The following FBLN2 variants were observed in gnomAD, a reference collection of about 807,000 sequenced individuals.
FBLN2 encodes fibulin-2.
Under a neutral mutation model 123.7 loss-of-function variants are expected in FBLN2, and 81 were observed. The observed-to-expected ratio is 0.65, with a 90% CI of 0.55 to 0.79. The LOEUF is 0.79. FBLN2 is among the 30% of genes least tolerant of loss of function. FBLN2 has a pLI of 0.00. For synonymous variants in FBLN2, 699 were observed against 701.4 expected (o/e 1.00, Z 0.05); for missense variants, 1,603 against 1,681.3 (o/e 0.95, Z 0.81).
chr3:13,595,418 G>A (rs1704809426), intron 2 of FBLN2, among the ~76,000 whole-genome samples: 1 of 152,138 alleles, frequency 6.6e-6, no homozygotes, highest in Admixed American at 6.5e-5. Flanking sequence ...GTGATCCCGG[G>A]GAGGAAGGCA....
chr3:13,592,754 T>C (rs1352948824), intron 2 of FBLN2, among the ~76,000 whole-genome samples: 3 of 152,260 alleles, frequency 2.0e-5, no homozygotes, highest in African/African-American at 7.2e-5. Flanking sequence ...TTGCAAATTG[T>C]ATTGATTTTA....
In FBLN2 at chr3:13,571,614, A is replaced by G; in HGVS notation, c.1259A>G (p.Asp420Gly). 6.2e-7 allele frequency: 1 copy of G among 1,611,676 alleles called. No individual in the cohort carries two copies. The highest frequency in any genetic ancestry group is 8.5e-7 in the Non-Finnish European group (1 of 1,178,882). ...QVLPHSHVEE[D>G]TDPNSVHSIP... is the part of the protein sequence containing the mutation. ...CTGCCCCATTCCCACGTGGAGGAGG[A>G]CACAGACCCCAACTCTGTCCATTCT... Residue 420 changes from aspartate (D) to glycine (G), a missense_variant, in exon 2 of 18, where the codon GAC (aspartate) becomes GGC (glycine). Physicochemically the swap from Asp to Gly is moderately conservative, Grantham distance 94 (BLOSUM62 -1). Coordinates refer to ENST00000404922, the MANE Select transcript of FBLN2 (RefSeq NM_001004019.2).
chr3:13,602,446 C>G (rs1029374998), intron 2 of FBLN2, among the ~76,000 whole-genome samples: 1 of 152,132 alleles, frequency 6.6e-6, no homozygotes, highest in African/African-American at 2.4e-5. Context: ...AGAATTAACA[C>G]GACAAATTCT....
intron 1 of FBLN2, among the ~76,000 whole-genome samples, chr3:13,553,624 G>A (rs1246078288): frequency 6.6e-6 from 1 of 152,244 alleles, no homozygotes; most frequent in African/African-American, 2.4e-5. Flanking sequence ...TTGCAGAAAT[G>A]CCTCTCTCTC....
chr3:13,612,965 C>T (rs1705455500), intron 4 of FBLN2, among the ~76,000 whole-genome samples: 1 of 152,112 alleles, frequency 6.6e-6, no homozygotes, highest in Non-Finnish European at 1.5e-5. Flanking sequence ...CTCAGCTGAT[C>T]CTGGGGGCGG....
chr3:13,620,101 C>T (rs4684964), intron 8 of FBLN2, among the ~76,000 whole-genome samples: 129,732 of 152,164 alleles, frequency 0.85, 55,394 homozygotes, highest in East Asian at 0.98. Context: ...CCGCATTTCC[C>T]GGAGCAGTGC....
Position 13,603,684 on chromosome 3 carries a change from C to T in FBLN2, c.1307-4378C>T, listed in dbSNP as rs554773931. ...CAAGTCTTTGCTATTGTGAATAGTG[C>T]TGCAGTAAATATACGTGTGCATGTG... On this transcript the variant is annotated intron_variant, in intron 2 of 17. Transcript: ENST00000404922. Among the ~76,000 whole-genome samples, 13 of 152,236 alleles carry T rather than the reference C, an allele frequency of 8.5e-5. No homozygotes were observed. The South Asian group carries it at 2.7e-3, about 32-fold the overall frequency.
intron 2 of FBLN2, among the ~76,000 whole-genome samples, chr3:13,581,565 C>T (rs374379208): frequency 4.6e-5 from 7 of 152,158 alleles, no homozygotes; most frequent in Non-Finnish European, 7.4e-5. Context: ...CTAGCAGGGC[C>T]GCTGCTTTTG....
intron 5 of FBLN2, 30 bp from the exon 6 acceptor site, chr3:13,618,046 C>G (rs762593800): frequency 1.2e-6 from 2 of 1,606,978 alleles, no homozygotes; most frequent in African/African-American, 2.7e-5. Flanking sequence ...ACCAAGCTGG[C>G]TCTGTCTTGA....
intron 2 of FBLN2, among the ~76,000 whole-genome samples, chr3:13,607,098 C>T (rs1050119853): frequency 3.3e-5 from 5 of 152,202 alleles, no homozygotes; most frequent in Non-Finnish European, 7.3e-5. Flanking sequence ...AGCAATTCTC[C>T]TGCCTCAGCC....
At chr3:13,584,697 G>A (rs9813749) in intron 2 of FBLN2, among the ~76,000 whole-genome samples, 39 of 152,328 alleles carry the variant, frequency 2.6e-4, no homozygotes, top group African/African-American at 8.4e-4. Flanking sequence ...GGTGGGTCTA[G>A]GGCAGATAGG....
At position 13,570,304 on chromosome 3, in the gene FBLN2, G is replaced by A; in HGVS notation, c.-41-11G>A. On this transcript the variant is annotated splice_polypyrimidine_tract_variant and intron_variant, in intron 1 of 17. Transcript: ENST00000404922. The stretch of plus-strand genomic sequence containing the variant: ...CCCAGTACTGACAGGCTTCCTTTCT[G>A]ATTCCCCCAGGGTCTTACAGGAGAG... 6.1e-6 allele frequency: 9 copies of A among 1,464,684 alleles called. No homozygotes were observed. Among genetic ancestry groups the A allele is most frequent in the Non-Finnish European group, 8.1e-6 (9 of 1,105,612 alleles). 90.7% of individuals were successfully genotyped at this position (1,464,684 alleles called of 1,614,324 possible). A position where few individuals can be genotyped will look rare whatever the true frequency, so the allele number is the denominator to read the frequency against.
At chr3:13,607,671 T>G (rs550997879) in intron 2 of FBLN2, among the ~76,000 whole-genome samples, 1 of 152,294 alleles carries the variant, frequency 6.6e-6, no homozygotes, top group South Asian at 2.1e-4. Flanking sequence ...GTGCATGTGT[T>G]GGTTCATTTG....
chr3:13,622,268 C>A (rs921170802), intron 9 of FBLN2, among the ~76,000 whole-genome samples: 18 of 152,332 alleles, frequency 1.2e-4, no homozygotes, highest in African/African-American at 4.1e-4. Flanking sequence ...CCTAGCCAAG[C>A]AGGACCCCCA....
chr3:13,596,219 C>T (rs1387673976), intron 2 of FBLN2, among the ~76,000 whole-genome samples: 1 of 152,182 alleles, frequency 6.6e-6, no homozygotes, highest in Non-Finnish European at 1.5e-5. Flanking sequence ...CTCCCTGCAG[C>T]CTAGACCTCC....
rs371872562 is a variant in FBLN2 at position 13,570,848 on chromosome 3, G to A, written c.493G>A (p.Ala165Thr). The A allele has an allele frequency of 1.9e-5, 31 of 1,609,160 alleles. No individual in the cohort carries two copies. The highest frequency in any genetic ancestry group is 5.3e-5 in the African/African-American group (4 of 74,832). Residue 165 changes from alanine to threonine, a missense_variant, in exon 2 of 18, where the codon GCC (alanine) becomes ACC (threonine). Transcript: ENST00000404922. ...CTGCCGGGCCTGCCACTGCCCTGAC[G>A]CCGGTGGAGAGCTCATCTGCTACCA... ...PPCRACHCPD[A>T]GGELICYQLP...
intron 2 of FBLN2, among the ~76,000 whole-genome samples, chr3:13,572,677 C>G (rs1388609536): frequency 6.6e-6 from 1 of 152,244 alleles, no homozygotes; most frequent in African/African-American, 2.4e-5. Context: ...TCCTCCATAG[C>G]CCAGCACAGT....
intron 1 of FBLN2, chr3:13,569,039 C>T (rs908812): frequency 0.82 from 812,396 of 985,818 alleles, 335,738 homozygotes; most frequent in East Asian, 1. Context: ...AGAAGGAGCT[C>T]TTGCCTGTGA....
chr3:13,597,943 A>C (rs1263044159), intron 2 of FBLN2, among the ~76,000 whole-genome samples: 1 of 152,214 alleles, frequency 6.6e-6, no homozygotes, highest in African/African-American at 2.4e-5. Context: ...CTGGGCTGTC[A>C]GAGTGGGAGA....
Sources: gnomAD v4.1 joint callset for allele counts (sites outside exome capture counted in the v4.1 genomes callset) on GRCh38, gnomAD v4.1.1 for gene constraint, MANE v1.5 for transcripts, NCBI Gene and HGNC (gene_info 2026-07-23, HGNC 2026-07-21) for gene names.